COP1: variants seen among roughly 807,000 people sequenced by gnomAD.
The protein encoded by COP1 is COP1 E3 ubiquitin ligase, also known as E3 ubiquitin-protein ligase COP1.
In COP1, 24 loss-of-function variants were observed where a neutral mutation model predicts 101.3. That is an observed-to-expected ratio of 0.24 (90% CI 0.17 to 0.33). The LOEUF (loss-of-function observed/expected upper bound fraction) is 0.33. Among genes scored for constraint, COP1 ranks in the 10% least tolerant of loss-of-function variants. COP1 has a pLI of 1.00. For synonymous variants in COP1, 347 were observed against 341.9 expected, an observed-to-expected ratio of 1.01 and a Z score of -0.17; for missense variants, 663 against 906.2, an observed-to-expected ratio of 0.73 and a Z score of 3.45.
At chr1:176,158,791 C>T (rs957002457) in intron 5 of COP1, among the ~76,000 whole-genome samples, 5 of 151,896 alleles carry the variant, frequency 3.3e-5, no homozygotes, top group East Asian at 3.9e-4. Context: ...AGGCGCACAC[C>T]GCCATACCCA....
intron 9 of COP1, among the ~76,000 whole-genome samples, chr1:176,106,524 G>A (rs963239958): frequency 2.0e-5 from 3 of 152,194 alleles, no homozygotes; most frequent in African/African-American, 7.2e-5. Context: ...CAGTGCTTGA[G>A]ATATTTTGCA....
chr1:176,012,663 G>C (rs76286821), intron 15 of COP1, among the ~76,000 whole-genome samples: 10,575 of 152,000 alleles, frequency 0.07, 463 homozygotes, highest in Non-Finnish European at 0.087. Flanking sequence ...CTCTATAAAG[G>C]TGTACCATTT....
Position 176,124,766 on chromosome 1 carries a change from T to C in COP1, c.969-8085A>G, listed in dbSNP as rs182882542. Among the ~76,000 whole-genome samples the C allele has an allele frequency of 3.9e-5, 6 of 152,308 alleles. No individual in the cohort carries two copies. In the East Asian group the frequency reaches 1.2e-3, roughly 29 times the overall value. ...ATAACTCTTTCATGTATACGTTTCC[T>C]TTCTTTTGGATATATACCCAGCAGT... On this transcript the variant is annotated intron_variant, in intron 8 of 19. Transcript: ENST00000367669.
intron 5 of COP1, among the ~76,000 whole-genome samples, chr1:176,149,634 G>A (rs1692106259): frequency 6.6e-6 from 1 of 152,046 alleles, no homozygotes; most frequent in Non-Finnish European, 1.5e-5. Context: ...ATAATCAAGT[G>A]GACAGCTTGC....
At chr1:176,184,185 ATAATG>A (rs1428210073) in intron 2 of COP1, among the ~76,000 whole-genome samples, 3 of 152,198 alleles carry the variant, frequency 2.0e-5, no homozygotes, top group African/African-American at 7.2e-5. Context: ...CTGGCATGAT[ATAATG>A]TAAAGTTAAT....
chr1:176,175,038 C>T (rs1696720934), intron 3 of COP1, among the ~76,000 whole-genome samples: 1 of 151,880 alleles, frequency 6.6e-6, no homozygotes, highest in Non-Finnish European at 1.5e-5. Context: ...TAGTTCTTAC[C>T]ACTCCTCTCT....
chr1:176,123,245 A>T (rs751291464), intron 8 of COP1, among the ~76,000 whole-genome samples: 2 of 152,228 alleles, frequency 1.3e-5, no homozygotes, highest in Non-Finnish European at 2.9e-5. Flanking sequence ...AAAAATTCAA[A>T]GGTTCAGGGA....
chr1:176,168,648 G>A (rs1216470975), intron 3 of COP1: 8 of 242,742 alleles, frequency 3.3e-5, no homozygotes, highest in African/African-American at 4.7e-5. Context: ...ATGGAGGGTC[G>A]GACTTCCAGC....
At chr1:175,997,645 A>C (rs945404096) in intron 15 of COP1, among the ~76,000 whole-genome samples, 5 of 152,240 alleles carry the variant, frequency 3.3e-5, no homozygotes, top group Non-Finnish European at 5.9e-5. Context: ...AACACATGAA[A>C]AAATGCTCAT....
chr1:176,178,737 C>T (rs549433253), intron 2 of COP1, among the ~76,000 whole-genome samples: 5 of 151,966 alleles, frequency 3.3e-5, no homozygotes, highest in African/African-American at 4.8e-5. Context: ...CCTGTAATTC[C>T]GGCTACTCGG....
At chr1:175,995,653 T>A in intron 15 of COP1, among the ~76,000 whole-genome samples, 1 of 152,000 alleles carries the variant, frequency 6.6e-6, no homozygotes, top group African/African-American at 2.4e-5. Flanking sequence ...CTAGAACAAA[T>A]GGATAAATTC....
chr1:176,028,858 G>A (rs1342668184), intron 14 of COP1, among the ~76,000 whole-genome samples: 1 of 151,178 alleles, frequency 6.6e-6, no homozygotes, highest in Non-Finnish European at 1.5e-5. Context: ...CCTAGGCTCA[G>A]GTGATTCTCC....
chr1:175,993,569 G>A lies in COP1; in HGVS notation c.1730-4090C>T, dbSNP rs1009562979. 1.8e-4 allele frequency among the ~76,000 whole-genome samples: 28 copies of A among 152,310 alleles called. No individual in the cohort carries two copies. In the South Asian group the frequency reaches 2.3e-3, roughly 12 times the overall value. The stretch of plus-strand genomic sequence containing the variant: ...CTTAAAGGAGCTGATGGAGCTGAAA[G>A]CCAAGGCTCGAGAACTACGTGAAGA... On this transcript the variant is annotated intron_variant, in intron 15 of 19. Transcript: ENST00000367669.
chr1:176,114,602 G>A (rs554263360), intron 9 of COP1, among the ~76,000 whole-genome samples: 2 of 146,878 alleles, frequency 1.4e-5, no homozygotes, highest in African/African-American at 5.0e-5. Flanking sequence ...GGGAGGGAGT[G>A]GGGGGGAAAG....
In COP1 at chr1:176,058,138, G is replaced by GGT. The variant is rs1245869511; in HGVS notation, c.1278-11815_1278-11814insAC. 6.8e-4 allele frequency among the ~76,000 whole-genome samples: 96 copies of GGT among 140,506 alleles called. 7 individuals carry two copies. Among genetic ancestry groups the GGT allele is most frequent in the African/African-American group, 1.7e-3 (67 of 38,864 alleles). The allele number at this position is 140,506 out of a possible 152,430, so 92.2% of individuals were successfully genotyped here. ...CCCCGTCGGGAGGGAGGTGGGGTGGGGGGGGGGTCAGCCCCCGCCCGGCCA... is the reference window on the plus strand; with the variant it reads ...CCCCGTCGGGAGGGAGGTGGGGTGGGGTGGGGGGGTCAGCCCCCGCCCGGCCA... On this transcript the variant is annotated intron_variant, in intron 11 of 19. Coordinates refer to ENST00000367669, the MANE Select transcript of COP1 (RefSeq NM_022457.7).
intron 15 of COP1, among the ~76,000 whole-genome samples, chr1:176,003,552 T>C (rs1318454359): frequency 6.6e-6 from 1 of 151,222 alleles, no homozygotes; most frequent in East Asian, 1.9e-4. Flanking sequence ...GGGATCCAGT[T>C]TCAGCTTTCT....
At position 175,985,737 on chromosome 1, in the gene COP1, A is replaced by T. The variant is rs367778615; in HGVS notation, c.2133+1206T>A. 2.6e-3 allele frequency among the ~76,000 whole-genome samples: 398 copies of T among 152,274 alleles called. 3 individuals carry two copies. Among genetic ancestry groups the T allele is most frequent in the African/African-American group, 9.1e-3 (380 of 41,550 alleles). The stretch of plus-strand genomic sequence containing the variant: ...ATGCTTTCAAATAGGTTCTTTTTTT[A>T]AAAATACATACATTTGGTCCTTTTT... On this transcript the variant is annotated intron_variant, in intron 18 of 19. Coordinates refer to ENST00000367669, the MANE Select transcript of COP1 (RefSeq NM_022457.7).
At chr1:175,986,042 CAG>C (rs1417177818) in intron 18 of COP1, among the ~76,000 whole-genome samples, 2 of 152,074 alleles carry the variant, frequency 1.3e-5, no homozygotes, top group African/African-American at 4.8e-5. Context: ...TTTTCTGAGA[CAG>C]AGTCTCACTC....
intron 1 of COP1, among the ~76,000 whole-genome samples, chr1:176,188,003 C>G (rs762614926): frequency 6.6e-6 from 1 of 151,916 alleles, no homozygotes. Context: ...GGAATTTTAT[C>G]CCCTCTTCCC....
Sources: gnomAD v4.1 joint callset for allele counts (sites outside exome capture counted in the v4.1 genomes callset) on GRCh38, gnomAD v4.1.1 for gene constraint, MANE v1.5 for transcripts, NCBI Gene and HGNC (gene_info 2026-07-23, HGNC 2026-07-21) for gene names.